Variants in CNTN6 observed in about 807,000 individuals in gnomAD.
The protein encoded by CNTN6 is contactin 6, also known as contactin-6.
Under a neutral mutation model 122.8 loss-of-function variants are expected in CNTN6, and 137 were observed. The observed-to-expected ratio is 1.12, with a 90% CI of 0.97 to 1.29. CNTN6 has a LOEUF of 1.29. Ranked by LOEUF, CNTN6 falls within the 50% of genes most tolerant of loss-of-function variation. CNTN6 has a pLI of 0.00. For missense variants in CNTN6, 1,634 were observed against 1,223.4 expected, an observed-to-expected ratio of 1.34 and a Z score of -5.01; for synonymous variants, 570 against 426.0, an observed-to-expected ratio of 1.34 and a Z score of -4.16.
At chr3:1,188,628 T>C (rs1020685921) in intron 2 of CNTN6, among the ~76,000 whole-genome samples, 3 of 152,244 alleles carry the variant, frequency 2.0e-5, no homozygotes, top group Admixed American at 2.0e-4. Context: ...AACCCAACAA[T>C]AAATAATGAA....
At chr3:1,252,618 C>T (rs563567453) in intron 4 of CNTN6, among the ~76,000 whole-genome samples, 53 of 152,068 alleles carry the variant, frequency 3.5e-4, no homozygotes, top group South Asian at 6.2e-4. Context: ...TAATAAAATA[C>T]GGAGAACAAT....
chr3:1,388,786 T>C (rs1693608016), intron 20 of CNTN6, among the ~76,000 whole-genome samples: 1 of 149,724 alleles, frequency 6.7e-6, no homozygotes, highest in African/African-American at 2.5e-5. Context: ...CAGGAGCCGA[T>C]GTGATCAACT....
intron 4 of CNTN6, among the ~76,000 whole-genome samples, chr3:1,254,481 T>G (rs1235185731): frequency 1.3e-5 from 2 of 152,202 alleles, no homozygotes; most frequent in Admixed American, 6.5e-5. Flanking sequence ...TCAGGAACAA[T>G]ACACTATAAA....
intron 20 of CNTN6, among the ~76,000 whole-genome samples, chr3:1,388,205 C>T (rs1186428903): frequency 1.3e-5 from 2 of 150,094 alleles, no homozygotes; most frequent in African/African-American, 2.5e-5. Flanking sequence ...CAGCATGCAG[C>T]TGGAGATCTG....
rs576885990 is a variant in CNTN6 at position 1,102,852 on chromosome 3, A to C, written c.-83+9732A>C. 3.2e-4 allele frequency among the ~76,000 whole-genome samples: 48 copies of C among 150,174 alleles called. 1 individual carries two copies. Among genetic ancestry groups the C allele is most frequent in the East Asian group, 5.9e-4 (3 of 5,082 alleles). The stretch of plus-strand genomic sequence containing the variant: ...GCCGGGAGCTGTGGCTCACGCCTGT[A>C]ATCCCAGCACTTTTGGAGGCCGAGG... On this transcript the variant is annotated intron_variant, in intron 1 of 22. Coordinates refer to ENST00000446702, the MANE Select transcript of CNTN6 (RefSeq NM_001289080.2).
intron 7 of CNTN6, among the ~76,000 whole-genome samples, chr3:1,308,669 C>G (rs1482298326): frequency 3.9e-5 from 6 of 151,998 alleles, no homozygotes; most frequent in African/African-American, 1.4e-4. Flanking sequence ...ATGGATCACT[C>G]TGCTCTCCTC....
intron 2 of CNTN6, among the ~76,000 whole-genome samples, chr3:1,174,589 T>A (rs780217460): frequency 6.6e-6 from 1 of 152,174 alleles, no homozygotes; most frequent in African/African-American, 2.4e-5. Flanking sequence ...AAATTCAAGA[T>A]TATAATTGTA....
chr3:1,380,029 C>T (rs989871239), intron 17 of CNTN6, among the ~76,000 whole-genome samples: 5 of 152,168 alleles, frequency 3.3e-5, no homozygotes, highest in African/African-American at 9.6e-5. Flanking sequence ...GGTCTTAACC[C>T]AGCCTGGAAG....
At chr3:1,226,363 C>T (rs1048592319) in intron 3 of CNTN6, among the ~76,000 whole-genome samples, 5 of 152,088 alleles carry the variant, frequency 3.3e-5, no homozygotes, top group Non-Finnish European at 5.9e-5. Context: ...TCCTAGATGA[C>T]TGTGATGGGG....
chr3:1,369,838 C>G (rs1708745788), intron 12 of CNTN6, among the ~76,000 whole-genome samples: 1 of 151,312 alleles, frequency 6.6e-6, no homozygotes, highest in Admixed American at 6.6e-5. Flanking sequence ...TCTTGGATCC[C>G]TGGATATCTT....
intron 11 of CNTN6, among the ~76,000 whole-genome samples, chr3:1,341,076 C>T (rs1703813781): frequency 6.6e-6 from 1 of 152,114 alleles, no homozygotes; most frequent in South Asian, 2.1e-4. Flanking sequence ...ATAGCATAGG[C>T]AGAATGTCCT....
At chr3:1,178,970 T>C (rs1359212805) in intron 2 of CNTN6, among the ~76,000 whole-genome samples, 2 of 152,126 alleles carry the variant, frequency 1.3e-5, no homozygotes, top group Non-Finnish European at 2.9e-5. Flanking sequence ...GTGCAATTTA[T>C]AAAGAAAAGA....
At chr3:1,104,176 G>A (rs1242114291) in intron 1 of CNTN6, among the ~76,000 whole-genome samples, 1 of 152,116 alleles carries the variant, frequency 6.6e-6, no homozygotes, top group Non-Finnish European at 1.5e-5. Flanking sequence ...GGTGGAAAGG[G>A]GGGCTAACAT....
At chr3:1,391,838 C>T (rs1360429302) in intron 20 of CNTN6, among the ~76,000 whole-genome samples, 1 of 151,752 alleles carries the variant, frequency 6.6e-6, no homozygotes, top group Non-Finnish European at 1.5e-5. Flanking sequence ...CCTAGGAATC[C>T]AACTTACAAG....
intron 3 of CNTN6, among the ~76,000 whole-genome samples, chr3:1,226,964 A>G (rs920990341): frequency 3.3e-5 from 5 of 152,208 alleles, no homozygotes; most frequent in Admixed American, 3.3e-4. Flanking sequence ...TATACGATTC[A>G]TGCTTCAAAA....
intron 7 of CNTN6, 111 bp from the exon 8 acceptor site, chr3:1,321,539 A>G: frequency 1.0e-6 from 1 of 964,074 alleles, no homozygotes; most frequent in Non-Finnish European, 1.6e-6. Flanking sequence ...TCATAATACA[A>G]CAGATTGATA....
At chr3:1,341,936 A>G (rs1457471643) in intron 11 of CNTN6, among the ~76,000 whole-genome samples, 6 of 152,186 alleles carry the variant, frequency 3.9e-5, no homozygotes, top group Non-Finnish European at 1.5e-5. Flanking sequence ...ATATCTAGGT[A>G]ACCCCTCTGA....
At chr3:1,321,530 C>T in intron 7 of CNTN6, 120 bp from the exon 8 acceptor site, 2 of 868,538 alleles carry the variant, frequency 2.3e-6, no homozygotes, top group Non-Finnish European at 3.5e-6. Flanking sequence ...GAAAACTAGT[C>T]ATAATACAAC....
intron 11 of CNTN6, among the ~76,000 whole-genome samples, chr3:1,332,526 G>GGAAGGAAGGAAGGGGCGAGCAAGGAAT (rs1185468906): frequency 0.017 from 2,569 of 149,678 alleles, 75 homozygotes; most frequent in African/African-American, 0.051. Flanking sequence ...AAGGAAGGAA[G>GGAAGGAAGGAAGGGGCGAGCAAGGAAT]GAAGGAGGGA....
Sources: gnomAD v4.1 joint callset for allele counts (sites outside exome capture counted in the v4.1 genomes callset) on GRCh38, gnomAD v4.1.1 for gene constraint, MANE v1.5 for transcripts, NCBI Gene and HGNC (gene_info 2026-07-23, HGNC 2026-07-21) for gene names.